Variants in SORCS3 observed in about 807,000 individuals in gnomAD.
SORCS3 encodes the protein sortilin related VPS10 domain containing receptor 3.
A neutral mutation model predicts 146.3 loss-of-function variants in SORCS3; 57 were observed. The ratio of observed to expected loss-of-function variants is 0.39; its 90% CI spans 0.31 to 0.49. The LOEUF is 0.49. SORCS3 is among the 20% of genes least tolerant of loss of function. The pLI is 0.92. For synonymous variants in SORCS3, 653 were observed against 618.5 expected, an observed-to-expected ratio of 1.06 and a Z score of -0.83; for missense variants, 1,341 against 1,575.5, an observed-to-expected ratio of 0.85 and a Z score of 2.52.
At chr10:105,195,115 T>C (rs986106774) in intron 14 of SORCS3, among the ~76,000 whole-genome samples, 1 of 152,212 alleles carries the variant, frequency 6.6e-6, no homozygotes, top group Non-Finnish European at 1.5e-5. Context: ...CCTTTGGTTC[T>C]TCCATCCTAG....
intron 23 of SORCS3, 56 bp from the exon 24 acceptor site, chr10:105,255,646 T>C: frequency 8.2e-7 from 1 of 1,219,568 alleles, no homozygotes; most frequent in African/African-American, 1.5e-5. Context: ...TCTTACCCCA[T>C]GAGGGAGCAT....
At chr10:105,181,321 G>C (rs1461679914) in intron 14 of SORCS3, among the ~76,000 whole-genome samples, 1 of 152,284 alleles carries the variant, frequency 6.6e-6, no homozygotes, top group South Asian at 2.1e-4. Context: ...AATGCAGTAG[G>C]TGCAAATCAT....
chr10:105,264,303 C>T lies in SORCS3; in HGVS notation c.*929C>T, dbSNP rs1332947324. The T allele has an allele frequency of 1.3e-5, 2 of 152,034 alleles. No individual in the cohort carries two copies. The highest frequency in any genetic ancestry group is 2.9e-5 in the Non-Finnish European group (2 of 68,024). The allele number at this position is 152,034 out of a possible 1,614,324, so 9.4% of individuals were successfully genotyped here. On this transcript the variant is annotated 3_prime_UTR_variant, in exon 27 of 27. Transcript: ENST00000369701. ...AGACCCAGATGGGGGAAAACAGCTT[C>T]CTCTCTAAAAGGAAAAACTTGATAT...
At chr10:104,738,657 C>T (rs555947995) in intron 1 of SORCS3, among the ~76,000 whole-genome samples, 74 of 152,258 alleles carry the variant, frequency 4.9e-4, no homozygotes, top group Admixed American at 2.3e-3. Context: ...GGCTTTGAGG[C>T]AGACACGTGT....
At chr10:105,166,792 G>A (rs1398829133) in intron 12 of SORCS3, among the ~76,000 whole-genome samples, 1 of 152,126 alleles carries the variant, frequency 6.6e-6, no homozygotes, top group African/African-American at 2.4e-5. Flanking sequence ...ATAGTGGGTA[G>A]GAAATTGTCT....
chr10:104,969,536 G>C (rs917436425), intron 3 of SORCS3, among the ~76,000 whole-genome samples: 2 of 152,042 alleles, frequency 1.3e-5, no homozygotes, highest in Admixed American at 1.3e-4. Context: ...TCCAGAATAT[G>C]TCAGTATCTA....
chr10:105,147,217 C>T (rs1416513355), intron 8 of SORCS3, among the ~76,000 whole-genome samples: 3 of 152,098 alleles, frequency 2.0e-5, no homozygotes, highest in East Asian at 3.9e-4. Context: ...TGTAAACCAC[C>T]ATACTACAGA....
intron 4 of SORCS3, among the ~76,000 whole-genome samples, chr10:105,000,500 T>C (rs556024994): frequency 1.3e-5 from 2 of 152,204 alleles, no homozygotes; most frequent in East Asian, 3.9e-4. Context: ...TTTTGTTTTG[T>C]TTTTTGCTTC....
chr10:104,665,974 A>G (rs1421237923), intron 1 of SORCS3: 1 of 151,948 alleles, frequency 6.6e-6, no homozygotes, highest in Non-Finnish European at 1.5e-5. Flanking sequence ...GTTTTCCTAC[A>G]CCAAAAGGTG....
intron 1 of SORCS3, among the ~76,000 whole-genome samples, chr10:104,741,526 C>T (rs1462304579): frequency 6.6e-6 from 1 of 151,118 alleles, no homozygotes; most frequent in Non-Finnish European, 1.5e-5. Context: ...TTTCTTCACT[C>T]TACTTTCTTT....
intron 6 of SORCS3, among the ~76,000 whole-genome samples, chr10:105,098,563 T>G (rs1287268349): frequency 1.3e-5 from 2 of 152,196 alleles, no homozygotes; most frequent in African/African-American, 4.8e-5. Context: ...GTTCAAATTC[T>G]AGCTCCGTCA....
chr10:105,011,160 G>T (rs2055134160), intron 4 of SORCS3, among the ~76,000 whole-genome samples: 1 of 152,166 alleles, frequency 6.6e-6, no homozygotes. Context: ...CTCTGTGCCT[G>T]TTACAATATT....
At chr10:105,205,162 C>G (rs2056595410) in intron 16 of SORCS3, among the ~76,000 whole-genome samples, 1 of 152,112 alleles carries the variant, frequency 6.6e-6, no homozygotes, top group Non-Finnish European at 1.5e-5. Context: ...AGGGTATCAC[C>G]TAGTTCAGTC....
intron 14 of SORCS3, among the ~76,000 whole-genome samples, chr10:105,195,760 G>A (rs778586813): frequency 2.8e-4 from 42 of 152,156 alleles, no homozygotes; most frequent in South Asian, 4.1e-4. Context: ...ATACATTAAC[G>A]TCTGAAAGTT....
intron 1 of SORCS3, among the ~76,000 whole-genome samples, chr10:104,806,132 G>T (rs1028584852): frequency 1.6e-4 from 24 of 152,280 alleles, no homozygotes; most frequent in South Asian, 8.3e-4. Flanking sequence ...GCACAGAGAG[G>T]CCAAGTGTCC....
At chr10:105,111,579 C>T (rs1392935700) in intron 7 of SORCS3, among the ~76,000 whole-genome samples, 1 of 152,174 alleles carries the variant, frequency 6.6e-6, no homozygotes, top group East Asian at 1.9e-4. Context: ...AAGAAATGAC[C>T]ATGCAATGTA....
chr10:104,749,226 GGTGTGTGTGT>G lies in SORCS3; in HGVS notation c.628-93533_628-93524del, dbSNP rs60550253. Among the ~76,000 whole-genome samples, 615 of 140,994 alleles carry G rather than the reference GGTGTGTGTGT, an allele frequency of 4.4e-3. 1 individual carries two copies. Among genetic ancestry groups the G allele is most frequent in the African/African-American group, 0.015 (576 of 38,450 alleles). The allele number at this position is 140,994 out of a possible 152,430, so 92.5% of individuals were successfully genotyped here. A position where few individuals can be genotyped will look rare whatever the true frequency, so the allele number is the denominator to read the frequency against. ...GTACCTTGTTCTGTGCAAAGTATAG[GGTGTGTGTGT>G]GTGTGTGTGTGTGTGTGTGTGTGTG... On this transcript the variant is annotated intron_variant, in intron 1 of 26. Coordinates refer to ENST00000369701, the MANE Select transcript of SORCS3 (RefSeq NM_014978.3).
chr10:104,822,643 G>A (rs1261534463), intron 1 of SORCS3, among the ~76,000 whole-genome samples: 1 of 152,170 alleles, frequency 6.6e-6, no homozygotes, highest in African/African-American at 2.4e-5. Context: ...GGCTGCTAAA[G>A]GAATGCTAGC....
chr10:104,829,733 A>G (rs749925775), intron 1 of SORCS3, among the ~76,000 whole-genome samples: 1 of 152,134 alleles, frequency 6.6e-6, no homozygotes, highest in Non-Finnish European at 1.5e-5. Flanking sequence ...TTTCTTGTAA[A>G]TAAACTGTCA....
Sources: gnomAD v4.1 joint callset for allele counts (sites outside exome capture counted in the v4.1 genomes callset) on GRCh38, gnomAD v4.1.1 for gene constraint, MANE v1.5 for transcripts, NCBI Gene and HGNC (gene_info 2026-07-23, HGNC 2026-07-21) for gene names.